Variants in NFIA observed in about 807,000 individuals in gnomAD.
The protein encoded by NFIA is nuclear factor I A.
In NFIA, 8 loss-of-function variants were observed where a neutral mutation model predicts 62.8. The ratio of observed to expected loss-of-function variants is 0.13; its 90% CI spans 0.07 to 0.23. The LOEUF is 0.23. Among genes scored for constraint, NFIA ranks in the 10% least tolerant of loss-of-function variants. NFIA has a pLI of 1.00. For synonymous variants in NFIA, 235 were observed against 238.1 expected (o/e 0.99, Z 0.12); for missense variants, 410 against 642.1 (o/e 0.64, Z 3.91).
intron 3 of NFIA, among the ~76,000 whole-genome samples, chr1:61,283,417 C>T (rs995057201): frequency 2.1e-4 from 27 of 126,924 alleles, no homozygotes; most frequent in Non-Finnish European, 3.3e-4. Context: ...CTAAAAATAC[C>T]AAAAAAAAAA....
At chr1:61,318,687 T>C (rs1278756673) in intron 3 of NFIA, among the ~76,000 whole-genome samples, 2 of 152,182 alleles carry the variant, frequency 1.3e-5, no homozygotes, top group African/African-American at 4.8e-5. Flanking sequence ...ATCTGTCCTG[T>C]GGCTTGTTTG....
intron 10 of NFIA, among the ~76,000 whole-genome samples, chr1:61,432,355 C>T (rs1378485294): frequency 6.6e-6 from 1 of 151,762 alleles, no homozygotes; most frequent in Admixed American, 6.6e-5. Flanking sequence ...CAGCCAGAAA[C>T]CCCTTCACCC....
At chr1:61,177,310 G>A (rs946767982) in intron 2 of NFIA, among the ~76,000 whole-genome samples, 1 of 152,100 alleles carries the variant, frequency 6.6e-6, no homozygotes, top group Non-Finnish European at 1.5e-5. Flanking sequence ...AAGCTTATCC[G>A]GAGATAGTTC....
At chr1:61,386,688 C>T (rs574192105) in intron 7 of NFIA, among the ~76,000 whole-genome samples, 1 of 152,318 alleles carries the variant, frequency 6.6e-6, no homozygotes, top group South Asian at 2.1e-4. Context: ...ATTTCACAGC[C>T]ACCTTTTACA....
intron 6 of NFIA, among the ~76,000 whole-genome samples, chr1:61,366,226 C>G (rs940761951): frequency 2.0e-5 from 3 of 152,110 alleles, no homozygotes; most frequent in African/African-American, 7.2e-5. Context: ...TGCGTTGCAC[C>G]ACTTTCAGAT....
intron 3 of NFIA, among the ~76,000 whole-genome samples, chr1:61,280,577 G>C (rs537860905): frequency 6.6e-6 from 1 of 152,272 alleles, no homozygotes; most frequent in South Asian, 2.1e-4. Context: ...TAGACAAATG[G>C]TAACACGCTG....
chr1:61,316,944 T>C (rs1660396165), intron 3 of NFIA, among the ~76,000 whole-genome samples: 1 of 152,224 alleles, frequency 6.6e-6, no homozygotes, highest in Admixed American at 6.5e-5. Context: ...TTTTAAAAAG[T>C]TATTTCTGCA....
rs777782853 is a variant in NFIA at position 61,426,595 on chromosome 1, G to A, written c.1512+39G>A. ...ATCTTTTCTGTATGTGGTGCAGCTT[G>A]TATTATTCATCAGGTGCATTTTAAC... On this transcript the variant is annotated intron_variant, in intron 10 of 10. Coordinates refer to ENST00000403491, the MANE Select transcript of NFIA (RefSeq NM_001134673.4). 5 of 1,445,492 alleles carry A rather than the reference G, an allele frequency of 3.5e-6. No individual in the cohort carries two copies. The African/African-American group carries it at 7.3e-5, about 21-fold the overall frequency. 89.5% of individuals were successfully genotyped at this position (1,445,492 alleles called of 1,614,324 possible).
chr1:61,432,217 CT>C, intron 10 of NFIA, among the ~76,000 whole-genome samples: 1 of 108,034 alleles, frequency 9.3e-6, no homozygotes, highest in South Asian at 3.5e-4. Context: ...ACACTTTTCC[CT>C]ATTTTTTTTT....
At chr1:61,130,726 G>A (rs1356905785) in intron 2 of NFIA, among the ~76,000 whole-genome samples, 1 of 152,174 alleles carries the variant, frequency 6.6e-6, no homozygotes, top group Non-Finnish European at 1.5e-5. Flanking sequence ...ATACACTTCA[G>A]TGGTTAAACC....
At chr1:61,393,286 T>TCTCTCTCC (rs1553181529) in intron 7 of NFIA, among the ~76,000 whole-genome samples, 81 of 48,184 alleles carry the variant, frequency 1.7e-3, no homozygotes, top group Non-Finnish European at 2.2e-3. Flanking sequence ...TCTCTCTCTC[T>TCTCTCTCC]CTCTCCCTCT....
At chr1:61,344,372 C>G (rs1436860464) in intron 4 of NFIA, among the ~76,000 whole-genome samples, 2 of 152,192 alleles carry the variant, frequency 1.3e-5, no homozygotes, top group African/African-American at 4.8e-5. Flanking sequence ...CTCTGTGCTG[C>G]TATTGGACTT....
rs371028386 is a variant in NFIA at position 61,340,228 on chromosome 1, ATG to A, written c.700+7646_700+7647del. ...AACATACCCCTTGATGTACATACTA[ATG>A]TGTTGTCATGGTCTCTATTCGTATG... On this transcript the variant is annotated intron_variant, in intron 4 of 10. Coordinates refer to ENST00000403491, the MANE Select transcript of NFIA (RefSeq NM_001134673.4). 4.1e-3 allele frequency among the ~76,000 whole-genome samples: 624 copies of A among 152,268 alleles called. 2 individuals are homozygous for A. Among genetic ancestry groups the A allele is most frequent in the African/African-American group, 0.014 (579 of 41,556 alleles).
At chr1:61,090,531 C>T (rs1301408859) in intron 2 of NFIA, among the ~76,000 whole-genome samples, 2 of 152,068 alleles carry the variant, frequency 1.3e-5, no homozygotes, top group Admixed American at 6.6e-5. Flanking sequence ...CCTTCTTTTT[C>T]GTCGTTGGTT....
At chr1:61,345,348 T>C (rs74533928) in intron 4 of NFIA, among the ~76,000 whole-genome samples, 6,209 of 152,264 alleles carry the variant, frequency 0.041, 421 homozygotes, top group African/African-American at 0.14. Flanking sequence ...ATTCAAAGCA[T>C]ATTTATTGAT....
intron 7 of NFIA, among the ~76,000 whole-genome samples, chr1:61,387,537 T>C (rs1205487677): frequency 2.8e-5 from 4 of 140,814 alleles, no homozygotes; most frequent in Non-Finnish European, 6.0e-5. Context: ...AAACCTCCTC[T>C]CCTCCACCCA....
At chr1:61,276,535 T>G (rs993086460) in intron 2 of NFIA, among the ~76,000 whole-genome samples, 1 of 152,322 alleles carries the variant, frequency 6.6e-6, no homozygotes. Flanking sequence ...AAAAAAAATT[T>G]TTGTGTTTGC....
intron 10 of NFIA, among the ~76,000 whole-genome samples, chr1:61,449,695 C>T (rs182279333): frequency 4.6e-5 from 7 of 152,318 alleles, no homozygotes; most frequent in East Asian, 1.9e-4. Context: ...GGGCCAATCC[C>T]GGCCCATTAC....
chr1:61,097,233 G>A (rs138344108), intron 2 of NFIA, among the ~76,000 whole-genome samples: 4 of 152,250 alleles, frequency 2.6e-5, no homozygotes, highest in East Asian at 3.9e-4. Flanking sequence ...TCTCTGGTAA[G>A]TGCTTATGGT....
Sources: gnomAD v4.1 joint callset for allele counts (sites outside exome capture counted in the v4.1 genomes callset) on GRCh38, gnomAD v4.1.1 for gene constraint, MANE v1.5 for transcripts, NCBI Gene and HGNC (gene_info 2026-07-23, HGNC 2026-07-21) for gene names.